ICA1L: variants seen among roughly 807,000 people sequenced by gnomAD.
ICA1L encodes the protein islet cell autoantigen 1 like.
In ICA1L, 50 loss-of-function variants were observed where a neutral mutation model predicts 61.3. The observed-to-expected ratio is 0.82, with a 90% CI of 0.65 to 1.03. The LOEUF (loss-of-function observed/expected upper bound fraction) is 1.03. Ranked by LOEUF, ICA1L falls within the 50% of genes least tolerant of loss-of-function variation. The probability of loss-of-function intolerance (pLI) is 0.00; values close to 1 mark genes in which losing one functional copy is unlikely to be tolerated. For missense variants in ICA1L, 508 were observed against 556.7 expected (o/e 0.91, Z 0.88); for synonymous variants, 161 against 191.3 (o/e 0.84, Z 1.31).
intron 9 of ICA1L, among the ~76,000 whole-genome samples, chr2:202,797,474 A>G (rs6705330): frequency 0.092 from 13,959 of 152,114 alleles, 757 homozygotes; most frequent in Non-Finnish European, 0.13. Flanking sequence ...GAAATAGCTA[A>G]ATTTAGCTAA....
chr2:202,815,964 G>C lies in ICA1L; in HGVS notation c.730C>G (p.Gln244Glu). The C allele has an allele frequency of 6.2e-7, 1 of 1,605,004 alleles. No individual in the cohort carries two copies. Among genetic ancestry groups the C allele is most frequent in the Non-Finnish European group, 8.5e-7 (1 of 1,176,504 alleles). ...FWKKTARMMSQIHEACIGFHP... is the reference protein window; with the variant it reads ...FWKKTARMMSEIHEACIGFHP... ...AAGCCAATACAGGCTTCATGAATTT[G>C]GGACATCATTCGAGCTGTTTTCTTC... is the stretch of plus-strand genomic sequence containing the variant. Residue 244 changes from glutamine (Q) to glutamate (E), a missense_variant, in exon 7 of 13, where the codon CAA becomes GAA. By Grantham distance (29) the Gln-to-Glu change is conservative (BLOSUM62 2). Transcript: ENST00000358299.
At chr2:202,807,891 A>G (rs62194665) in intron 9 of ICA1L, among the ~76,000 whole-genome samples, 1 of 151,980 alleles carries the variant, frequency 6.6e-6, no homozygotes, top group Non-Finnish European at 1.5e-5. Flanking sequence ...GCACTGCCCT[A>G]AAGGGAAGGA....
At chr2:202,779,772 TAATC>T in intron 12 of ICA1L, 124 bp from the exon 13 acceptor site, 1 of 602,876 alleles carries the variant, frequency 1.7e-6, no homozygotes, top group Non-Finnish European at 2.9e-6. Context: ...TAACTGACAA[TAATC>T]TATCAACTAT....
At chr2:202,795,396 G>A (rs1047124340) in intron 10 of ICA1L, among the ~76,000 whole-genome samples, 2 of 152,170 alleles carry the variant, frequency 1.3e-5, no homozygotes, top group Admixed American at 6.5e-5. Context: ...AGGAATTCAA[G>A]ACCAGCCTGA....
intron 1 of ICA1L, among the ~76,000 whole-genome samples, chr2:202,845,105 T>C (rs775039935): frequency 2.0e-5 from 3 of 152,204 alleles, no homozygotes; most frequent in Non-Finnish European, 2.9e-5. Flanking sequence ...TATGTGATTA[T>C]ATTGGACACA....
At chr2:202,801,166 T>C (rs956058477) in intron 9 of ICA1L, among the ~76,000 whole-genome samples, 5 of 152,172 alleles carry the variant, frequency 3.3e-5, no homozygotes, top group African/African-American at 4.8e-5. Context: ...TTTCAGGCTA[T>C]AGAAATAGAG....
In ICA1L at chr2:202,778,325, C is replaced by A. The variant is rs1300537458; in HGVS notation, c.*1208G>T. The A allele has an allele frequency of 6.6e-6, 1 of 152,132 alleles. No individual in the cohort carries two copies. Among genetic ancestry groups the A allele is most frequent in the Non-Finnish European group, 1.5e-5 (1 of 68,012 alleles). The allele number at this position is 152,132 out of a possible 1,614,324, so 9.4% of individuals were successfully genotyped here. On this transcript the variant is annotated 3_prime_UTR_variant, in exon 13 of 13. Coordinates refer to ENST00000358299, the MANE Select transcript of ICA1L (RefSeq NM_001288622.3). ...GATTGATGTGTGTGTACGGTAGCTA[C>A]GTTTTTATCAGCTTACACTAACTTC... is the stretch of plus-strand genomic sequence containing the variant.
intron 1 of ICA1L, among the ~76,000 whole-genome samples, chr2:202,867,043 A>G (rs1356143744): frequency 6.6e-6 from 1 of 152,192 alleles, no homozygotes; most frequent in Admixed American, 6.5e-5. Context: ...TAAAAGAAAA[A>G]AAATCAAGAA....
chr2:202,808,245 A>G (rs1693279027), intron 9 of ICA1L, among the ~76,000 whole-genome samples: 1 of 152,146 alleles, frequency 6.6e-6, no homozygotes, highest in Admixed American at 6.5e-5. Flanking sequence ...GGAGCCCACT[A>G]CCTTGAAGGG....
intron 1 of ICA1L, among the ~76,000 whole-genome samples, chr2:202,847,412 T>C (rs995442346): frequency 3.9e-5 from 6 of 152,140 alleles, no homozygotes; most frequent in African/African-American, 1.4e-4. Context: ...AAAACTGTAG[T>C]AATAAAAAAT....
chr2:202,810,972 G>A (rs1693361057), intron 9 of ICA1L, among the ~76,000 whole-genome samples: 1 of 152,180 alleles, frequency 6.6e-6, no homozygotes, highest in African/African-American at 2.4e-5. Flanking sequence ...TGTTATCAAT[G>A]ACAATGCCTG....
chr2:202,844,741 C>T (rs1350240266), intron 1 of ICA1L, among the ~76,000 whole-genome samples: 1 of 152,172 alleles, frequency 6.6e-6, no homozygotes, highest in Non-Finnish European at 1.5e-5. Context: ...TAGGAGGAAA[C>T]GTCAAGAATG....
chr2:202,864,647 G>GTGTGTGTGTGTA (rs1553539143), intron 1 of ICA1L, among the ~76,000 whole-genome samples: 11 of 148,750 alleles, frequency 7.4e-5, no homozygotes, highest in African/African-American at 2.6e-4. Context: ...GTGTGTGTGT[G>GTGTGTGTGTGTA]TATATATATA....
intron 1 of ICA1L, chr2:202,840,465 C>T (rs1694295419): frequency 2.0e-6 from 1 of 504,356 alleles, no homozygotes; most frequent in Non-Finnish European, 3.9e-6. Flanking sequence ...AAGCTGGAGC[C>T]GAGGCCATAG....
chr2:202,865,378 A>G (rs997431743), intron 1 of ICA1L, among the ~76,000 whole-genome samples: 4 of 151,918 alleles, frequency 2.6e-5, no homozygotes, highest in Admixed American at 6.6e-5. Context: ...CTGAGGCAGA[A>G]GAATAGCTTG....
At position 202,871,762 on chromosome 2, in the gene ICA1L, G is replaced by C. The variant is rs1261890030; in HGVS notation, c.-151C>G. 1 of 151,966 alleles carries C rather than the reference G, an allele frequency of 6.6e-6. No homozygotes were observed. The highest frequency in any genetic ancestry group is 1.9e-4 in the East Asian group (1 of 5,132). The allele number at this position is 151,966 out of a possible 1,614,324, so 9.4% of individuals were successfully genotyped here. On this transcript the variant is annotated 5_prime_UTR_variant, in exon 1 of 13. Coordinates refer to ENST00000358299, the MANE Select transcript of ICA1L (RefSeq NM_001288622.3). ...CCCCTCCGCACCAGTGCGTGGAGGT[G>C]TCAGGCTCCCGCTGCGGGAGGCGGG...
intron 10 of ICA1L, 74 bp from the exon 11 acceptor site, chr2:202,789,161 A>G (rs1210779101): frequency 8.1e-7 from 1 of 1,233,910 alleles, no homozygotes; most frequent in African/African-American, 1.5e-5. Flanking sequence ...GGATGAATCA[A>G]ATTTGTTTCA....
chr2:202,855,565 C>T (rs1438689832), intron 1 of ICA1L, among the ~76,000 whole-genome samples: 1 of 152,118 alleles, frequency 6.6e-6, no homozygotes, highest in Non-Finnish European at 1.5e-5. Context: ...GACACATACA[C>T]CCTCCCAAGG....
chr2:202,813,574 C>A (rs1228880108), intron 8 of ICA1L, among the ~76,000 whole-genome samples: 2 of 152,116 alleles, frequency 1.3e-5, no homozygotes, highest in African/African-American at 4.8e-5. Context: ...TAGAGAAGGT[C>A]AAAGGGGAAG....
Sources: gnomAD v4.1 joint callset for allele counts (sites outside exome capture counted in the v4.1 genomes callset) on GRCh38, gnomAD v4.1.1 for gene constraint, MANE v1.5 for transcripts, NCBI Gene and HGNC (gene_info 2026-07-23, HGNC 2026-07-21) for gene names.